Variants in ANKS1B observed in about 807,000 individuals in gnomAD.
ANKS1B encodes ankyrin repeat and sterile alpha motif domain containing 1B, also known as ankyrin repeat and sterile alpha motif domain-containing protein 1B.
In ANKS1B, 36 loss-of-function variants were observed where a neutral mutation model predicts 148.3. The observed-to-expected ratio is 0.24, with a 90% CI of 0.19 to 0.32. The LOEUF (loss-of-function observed/expected upper bound fraction) is 0.32, where lower values mean the gene tolerates loss of function less well. ANKS1B is among the 10% of genes least tolerant of loss of function. ANKS1B has a pLI of 1.00. For synonymous variants in ANKS1B, 542 were observed against 560.8 expected (o/e 0.97, Z 0.47); for missense variants, 1,157 against 1,542.6 (o/e 0.75, Z 4.19).
At chr12:99,188,274 TAGAC>T (rs1350266195) in intron 14 of ANKS1B, among the ~76,000 whole-genome samples, 14 of 152,124 alleles carry the variant, frequency 9.2e-5, no homozygotes, top group Non-Finnish European at 1.9e-4. Flanking sequence ...CTGTCAATAT[TAGAC>T]AGATCAATGA....
chr12:99,023,112 A>G lies in ANKS1B; in HGVS notation c.2778+30045T>C, dbSNP rs576699662. 6.4e-4 allele frequency among the ~76,000 whole-genome samples: 98 copies of G among 152,266 alleles called. 1 individual carries two copies. Among genetic ancestry groups the G allele is most frequent in the East Asian group, 1.7e-3 (9 of 5,184 alleles). On this transcript the variant is annotated intron_variant, in intron 17 of 26. Transcript: ENST00000683438. ...ATATTATTGTTGTCTAATATTTTAT[A>G]TAATAGTTGGCCAATATACCAATGT...
chr12:98,985,012 C>T (rs539575932), intron 17 of ANKS1B, among the ~76,000 whole-genome samples: 1 of 152,230 alleles, frequency 6.6e-6, no homozygotes, highest in South Asian at 2.1e-4. Flanking sequence ...CTGTCTCAAT[C>T]AATCAATGAA....
At chr12:99,662,799 T>C (rs1469011612) in intron 8 of ANKS1B, among the ~76,000 whole-genome samples, 1 of 152,132 alleles carries the variant, frequency 6.6e-6, no homozygotes, top group African/African-American at 2.4e-5. Context: ...CCCCCTCCCC[T>C]ATCAATATTT....
intron 8 of ANKS1B, among the ~76,000 whole-genome samples, chr12:99,675,956 C>A (rs1353873926): frequency 6.6e-6 from 1 of 151,992 alleles, no homozygotes; most frequent in Non-Finnish European, 1.5e-5. Flanking sequence ...TTGGCTTTGT[C>A]CCCACTCAAA....
chr12:99,667,931 G>A (rs922199608), intron 8 of ANKS1B, among the ~76,000 whole-genome samples: 7 of 152,066 alleles, frequency 4.6e-5, no homozygotes, highest in East Asian at 1.9e-4. Context: ...AGTGTATGCC[G>A]GACTTGATTT....
chr12:98,858,767 A>T (rs2099584472), intron 17 of ANKS1B, among the ~76,000 whole-genome samples: 2 of 152,194 alleles, frequency 1.3e-5, no homozygotes, highest in Admixed American at 6.5e-5. Flanking sequence ...GAGCAGGGAT[A>T]GAACACTTCT....
At chr12:99,650,492 T>G (rs2098412219) in intron 9 of ANKS1B, among the ~76,000 whole-genome samples, 1 of 152,204 alleles carries the variant, frequency 6.6e-6, no homozygotes, top group South Asian at 2.1e-4. Flanking sequence ...AGAAAGGGCT[T>G]AATTTTCCCA....
chr12:99,868,004 C>T (rs1163887337), intron 1 of ANKS1B, among the ~76,000 whole-genome samples: 1 of 152,166 alleles, frequency 6.6e-6, no homozygotes, highest in South Asian at 2.1e-4. Flanking sequence ...AATGTAATAT[C>T]ATTTACTACA....
intron 9 of ANKS1B, among the ~76,000 whole-genome samples, chr12:98,736,041 G>C (rs1487223671): frequency 6.6e-6 from 1 of 152,214 alleles, no homozygotes; most frequent in Admixed American, 6.5e-5. Context: ...GGCTGGAGAA[G>C]GGTGAGTGTG....
chr12:98,868,955 T>C (rs958767732), intron 17 of ANKS1B, among the ~76,000 whole-genome samples: 1 of 152,230 alleles, frequency 6.6e-6, no homozygotes, highest in African/African-American at 2.4e-5. Flanking sequence ...AGATATATTT[T>C]ATAACTGTTT....
intron 17 of ANKS1B, among the ~76,000 whole-genome samples, chr12:99,047,570 C>G (rs534433735): frequency 2.0e-5 from 3 of 152,012 alleles, no homozygotes; most frequent in Non-Finnish European, 2.9e-5. Context: ...AAAGACAACA[C>G]CTTCAGTGCA....
chr12:99,462,269 C>A (rs116599031), intron 10 of ANKS1B, among the ~76,000 whole-genome samples: 1 of 152,192 alleles, frequency 6.6e-6, no homozygotes, highest in Non-Finnish European at 1.5e-5. Flanking sequence ...TGACCCAAGG[C>A]CATGCCCCCT....
rs537118555 is a variant in ANKS1B, at chr12:99,094,510, G to A, written c.2527-9487C>T. On this transcript the variant is annotated intron_variant, in intron 15 of 26. Coordinates refer to ENST00000683438, the MANE Select transcript of ANKS1B (RefSeq NM_001352186.2). ...AAAAAATAAACAAATAAATAACAAC[G>A]GAGATCTATGTTAGAAAGACTGGTG... 7.2e-5 allele frequency among the ~76,000 whole-genome samples: 11 copies of A among 152,250 alleles called. No individual in the cohort carries two copies. In the South Asian group the frequency reaches 1.0e-3, roughly 14 times the overall value.
chr12:99,133,221 T>G (rs150823344), intron 15 of ANKS1B, among the ~76,000 whole-genome samples: 2,820 of 152,004 alleles, frequency 0.019, 88 homozygotes, highest in African/African-American at 0.065. Context: ...CCAGCTATTT[T>G]TTTGTATTTT....
intron 8 of ANKS1B, among the ~76,000 whole-genome samples, chr12:99,660,224 G>A (rs34262670): frequency 0.11 from 16,811 of 151,954 alleles, 1,481 homozygotes; most frequent in East Asian, 0.46. Context: ...TCCTAGCCTC[G>A]GTCCCACATT....
chr12:99,002,486 C>CT (rs1293086554), intron 17 of ANKS1B, among the ~76,000 whole-genome samples: 6 of 112,044 alleles, frequency 5.4e-5, no homozygotes, highest in African/African-American at 2.4e-4. Flanking sequence ...ATGTACTTAT[C>CT]TCTCTTTTTT....
intron 9 of ANKS1B, among the ~76,000 whole-genome samples, chr12:99,542,152 A>G (rs1375000868): frequency 6.6e-6 from 1 of 152,218 alleles, no homozygotes; most frequent in Non-Finnish European, 1.5e-5. Context: ...ATGAACTTAC[A>G]TATGTAGAAC....
At chr12:99,766,457 G>T (rs911859700) in intron 8 of ANKS1B, among the ~76,000 whole-genome samples, 3 of 152,096 alleles carry the variant, frequency 2.0e-5, no homozygotes, top group Non-Finnish European at 2.9e-5. Context: ...CCTGAGGTGA[G>T]GGTAGGAACA....
intron 1 of ANKS1B, among the ~76,000 whole-genome samples, chr12:99,831,607 G>A (rs2084002975): frequency 6.6e-6 from 1 of 152,122 alleles, no homozygotes; most frequent in East Asian, 1.9e-4. Context: ...AACACTGCCT[G>A]CCTCCAGAGC....
Sources: allele counts gnomAD v4.1 joint callset (sites outside exome capture counted in the v4.1 genomes callset), GRCh38; gene constraint gnomAD v4.1.1; transcripts MANE v1.5; gene names NCBI Gene and HGNC (gene_info 2026-07-23, HGNC 2026-07-21).